PTPRN: variants seen among roughly 807,000 people sequenced by gnomAD.
PTPRN encodes protein tyrosine phosphatase receptor type N, also known as receptor-type tyrosine-protein phosphatase-like N.
A neutral mutation model predicts 108.5 loss-of-function variants in PTPRN; 70 were observed. The ratio of observed to expected loss-of-function variants is 0.65; its 90% CI spans 0.53 to 0.79. The LOEUF (loss-of-function observed/expected upper bound fraction) is 0.79, where lower values mean the gene tolerates loss of function less well. Among genes scored for constraint, PTPRN ranks in the 30% least tolerant of loss-of-function variants. The pLI, the probability that PTPRN is intolerant of heterozygous loss-of-function variation, is 0.00. For missense variants in PTPRN, 1,136 were observed against 1,295.5 expected, an observed-to-expected ratio of 0.88 and a Z score of 1.89; for synonymous variants, 496 against 524.6, an observed-to-expected ratio of 0.95 and a Z score of 0.75.
rs200770072 is a variant in PTPRN, at chr2:219,303,384, C to T, written c.377+351G>A. ...CCTAACCACAAAAAGATGATGGTGG[C>T]TCCTGTCATATAGAAATTCACATAG... On this transcript the variant is annotated intron_variant, in intron 4 of 22. Transcript: ENST00000295718. Among the ~76,000 whole-genome samples, 208 of 152,318 alleles carry T rather than the reference C, an allele frequency of 1.4e-3. 1 individual carries two copies. Among genetic ancestry groups the T allele is most frequent in the African/African-American group, 4.4e-3 (182 of 41,566 alleles).
At chr2:219,302,988 GCT>G in intron 4 of PTPRN, 151 bp from the exon 5 acceptor site, 3 of 898,088 alleles carry the variant, frequency 3.3e-6, no homozygotes, top group East Asian at 2.8e-5. Flanking sequence ...AGAGAGATGG[GCT>G]GGGTGGGAAT....
Position 219,309,374 on chromosome 2 carries a change from G to A in PTPRN, c.-42C>T. On this transcript the variant is annotated 5_prime_UTR_variant, in exon 1 of 23. Coordinates refer to ENST00000295718, the MANE Select transcript of PTPRN (RefSeq NM_002846.4). ...CGCTCGCTCCCGGGCCGGAGCCGCAGCGACGCTGGCGGGAGCCTGCCAGAG... is the reference window on the plus strand; with the variant it reads ...CGCTCGCTCCCGGGCCGGAGCCGCAACGACGCTGGCGGGAGCCTGCCAGAG... The A allele has an allele frequency of 9.1e-7, 1 of 1,095,552 alleles. No homozygotes were observed. Among genetic ancestry groups the A allele is most frequent in the South Asian group, 1.7e-5 (1 of 57,344 alleles). The allele number at this position is 1,095,552 out of a possible 1,614,324, so 67.9% of individuals were successfully genotyped here.
At chr2:219,307,218 C>T in intron 3 of PTPRN, 1 of 465,550 alleles carries the variant, frequency 2.1e-6, no homozygotes, top group Non-Finnish European at 3.8e-6. Context: ...AAGATGGAAG[C>T]TGGCCTTTTC....
Position 219,297,072 on chromosome 2 carries a change from A to G in PTPRN, c.2149T>C (p.Cys717Arg), listed in dbSNP as rs1454854537. ...GTGTTTGGCTCTGCTTGGTAGGCAC[A>G]GAGGGCCTGCCACTCCTTGGCAAGG... ...DRLAKEWQALCAYQAEPNTCA... is the reference protein window; with the variant it reads ...DRLAKEWQALRAYQAEPNTCA... Residue 717 changes from cysteine (C) to arginine (R), a missense_variant, in exon 15 of 23, where the codon TGT becomes CGT. Cys to Arg is a radical substitution (Grantham distance 180). Transcript: ENST00000295718. This position sits in a 1 kb window ranked among gnomAD's most constrained non-coding sequence, Gnocchi z 6.0. 1 of 1,614,098 alleles carries G rather than the reference A, an allele frequency of 6.2e-7. No homozygotes were observed. The highest frequency in any genetic ancestry group is 2.2e-5 in the East Asian group (1 of 44,880).
chr2:219,294,912 C>CCA, intron 19 of PTPRN, 63 bp downstream of exon 19: 2 of 1,365,852 alleles, frequency 1.5e-6, no homozygotes, highest in Non-Finnish European at 1.9e-6. Context: ...GGCCGAGCGG[C>CCA]GGGCGGACCC....
At chr2:219,303,910 T>G in intron 3 of PTPRN, 79 bp from the exon 4 acceptor site, 2 of 1,074,738 alleles carry the variant, frequency 1.9e-6, no homozygotes, top group Non-Finnish European at 2.7e-6. Context: ...ATCAGAACTG[T>G]ACCCTCTGCC....
Position 219,302,435 on chromosome 2 carries a change from G to T in PTPRN, c.696C>A (p.Val232=). ...GGGCTTCAGCCTTGGGCAGGGGGCC[G>T]ACACTGACCATCCCTGGGGAGCCCT... ...VSEGSPGMVS[V]GPLPKAEAPA... Residue 232 remains valine (V), a synonymous_variant, in exon 6 of 23, where the codon GTC becomes GTA. Coordinates refer to ENST00000295718, the MANE Select transcript of PTPRN (RefSeq NM_002846.4). 1 of 1,614,162 alleles carries T rather than the reference G, an allele frequency of 6.2e-7. No homozygotes were observed. The highest frequency in any genetic ancestry group is 1.3e-5 in the African/African-American group (1 of 75,066).
rs1185693179 is a variant in PTPRN at position 219,309,368 on chromosome 2, G to A, written c.-36C>T. 2.6e-6 allele frequency: 3 copies of A among 1,171,338 alleles called. No homozygotes were observed. The highest frequency in any genetic ancestry group is 3.4e-6 in the Non-Finnish European group (3 of 876,256). The allele number at this position is 1,171,338 out of a possible 1,614,324, so 72.6% of individuals were successfully genotyped here. A position where few individuals can be genotyped will look rare whatever the true frequency, so the allele number is the denominator to read the frequency against. ...TCCGGGCGCTCGCTCCCGGGCCGGA[G>A]CCGCAGCGACGCTGGCGGGAGCCTG... On this transcript the variant is annotated 5_prime_UTR_variant, in exon 1 of 23. Coordinates refer to ENST00000295718, the MANE Select transcript of PTPRN (RefSeq NM_002846.4).
chr2:219,306,546 C>G (rs1446585742), intron 3 of PTPRN, among the ~76,000 whole-genome samples: 2 of 152,144 alleles, frequency 1.3e-5, no homozygotes, highest in African/African-American at 4.8e-5. Flanking sequence ...ATCATGTGCC[C>G]CCAAGCTCCA....
At position 219,296,350 on chromosome 2, in the gene PTPRN, G is replaced by A; in HGVS notation, c.2389-5C>T. 6.2e-7 allele frequency: 1 copy of A among 1,614,078 alleles called. No individual in the cohort carries two copies. The highest frequency in any genetic ancestry group is 1.1e-5 in the South Asian group (1 of 91,074). ...GCAGCCGCTCTCCCACACCATCTAGGGACAGAGACCCAGTTGAGCTCCACT... is the reference window on the plus strand; with the variant it reads ...GCAGCCGCTCTCCCACACCATCTAGAGACAGAGACCCAGTTGAGCTCCACT... On this transcript the variant is annotated splice_region_variant and splice_polypyrimidine_tract_variant and intron_variant, in intron 17 of 22. Coordinates refer to ENST00000295718, the MANE Select transcript of PTPRN (RefSeq NM_002846.4). The surrounding 1 kb of genome is among the most constrained non-coding windows in gnomAD (Gnocchi z 6.0).
intron 19 of PTPRN, chr2:219,291,738 C>A: frequency 1.7e-6 from 1 of 596,296 alleles, no homozygotes; most frequent in Non-Finnish European, 3.0e-6. Context: ...AAGCTAGGTG[C>A]CCAAGCTATG....
chr2:219,292,267 A>C (rs1952070172), intron 19 of PTPRN: 1 of 152,570 alleles, frequency 6.6e-6, no homozygotes, highest in East Asian at 1.9e-4. Context: ...GTCCCCTTGG[A>C]CCTCAGACCT....
At position 219,290,366 on chromosome 2, in the gene PTPRN, C is replaced by A; in HGVS notation, c.2869-69G>T. ...TGTGCTCTGCCCTCAAGATGGGGGG[C>A]TTTTGGTGGGGGGAGGGCCCTGGGC... On this transcript the variant is annotated intron_variant, in intron 22 of 22. Coordinates refer to ENST00000295718, the MANE Select transcript of PTPRN (RefSeq NM_002846.4). The surrounding 1 kb of genome is among the most constrained non-coding windows in gnomAD (Gnocchi z 4.2). 6.7e-7 allele frequency: 1 copy of A among 1,494,376 alleles called. No individual in the cohort carries two copies. Among genetic ancestry groups the A allele is most frequent in the Admixed American group, 1.9e-5 (1 of 54,036 alleles). 92.6% of individuals were successfully genotyped at this position (1,494,376 alleles called of 1,614,324 possible).
chr2:219,299,103 TCAC>T lies in PTPRN; in HGVS notation c.1609_1611del (p.Val537del). ...CCTGTCTGTGCTTCCAGTTCAGACT[TCAC>T]CAGCCCTGCAGGGAGGACAAAGGTC... On this transcript the variant is annotated inframe_deletion, in exon 12 of 23. Coordinates refer to ENST00000295718, the MANE Select transcript of PTPRN (RefSeq NM_002846.4). 6.2e-7 allele frequency: 1 copy of T among 1,614,254 alleles called. No homozygotes were observed. Among genetic ancestry groups the T allele is most frequent in the Non-Finnish European group, 8.5e-7 (1 of 1,180,036 alleles).
intron 4 of PTPRN, 29 bp downstream of exon 4, chr2:219,303,706 T>G: frequency 6.3e-7 from 1 of 1,579,964 alleles, no homozygotes; most frequent in Non-Finnish European, 8.7e-7. Flanking sequence ...GCCTCACCAT[T>G]GCTAGAGTTG....
rs773760803 is a variant in PTPRN at position 219,294,957 on chromosome 2, G to T, written c.2675+18C>A. On this transcript the variant is annotated intron_variant, in intron 19 of 22. Transcript: ENST00000295718. ...CCCCGCCCATGCGGTCCCTCCAGGC[G>T]GGGGCGCCCGCGCTCACCTGCGGAA... 2 of 1,536,282 alleles carry T rather than the reference G, an allele frequency of 1.3e-6. No individual in the cohort carries two copies. Among genetic ancestry groups the T allele is most frequent in the South Asian group, 1.2e-5 (1 of 82,350 alleles).
chr2:219,301,267 T>C (rs750150494), intron 7 of PTPRN, among the ~76,000 whole-genome samples: 12 of 152,232 alleles, frequency 7.9e-5, no homozygotes, highest in Non-Finnish European at 1.6e-4. Flanking sequence ...TGGCTTCTTC[T>C]TAGTACTGGC....
At position 219,297,986 on chromosome 2, in the gene PTPRN, C is replaced by G. The variant is rs149280824; in HGVS notation, c.1786G>C (p.Val596Leu). 10 of 1,613,784 alleles carry G rather than the reference C, an allele frequency of 6.2e-6. No homozygotes were observed. The highest frequency in any genetic ancestry group is 8.5e-6 in the Non-Finnish European group (10 of 1,179,984). Reference protein sequence around the residue: ...GVAGLLVALAVALCVRQHARQ... With the variant: ...GVAGLLVALALALCVRQHARQ... ...GCATGCTGCCGCACACACAGAGCCA[C>G]AGCCAGAGCCACCAGCAGCCCAGCC... Residue 596 changes from valine (V) to leucine (L), a missense_variant, in exon 13 of 23, where the codon GTG (valine) becomes CTG (leucine). Transcript: ENST00000295718. The surrounding 1 kb of genome is among the most constrained non-coding windows in gnomAD (Gnocchi z 6.0).
chr2:219,302,453 G>T lies in PTPRN; in HGVS notation c.678C>A (p.Ser226=). 6.2e-7 allele frequency: 1 copy of T among 1,614,138 alleles called. No homozygotes were observed. The highest frequency in any genetic ancestry group is 8.5e-7 in the Non-Finnish European group (1 of 1,179,970). ...GGGGGCCGACACTGACCATCCCTGG[G>T]GAGCCCTCTGAGACCCTGGAGCCAT... The part of the protein sequence containing the change: ...SRDGSRVSEG[S]PGMVSVGPLP... Residue 226 remains serine (S), a synonymous_variant, in exon 6 of 23, where the codon TCC becomes TCA. Transcript: ENST00000295718.
Sources: gnomAD v4.1 joint callset for allele counts (sites outside exome capture counted in the v4.1 genomes callset) on GRCh38, gnomAD v4.1.1 for gene constraint, Gnocchi (gnomAD v3.1) non-coding constraint, MANE v1.5 for transcripts, NCBI Gene and HGNC (gene_info 2026-07-23, HGNC 2026-07-21) for gene names.